The following SCAPER variants were observed in gnomAD, a reference collection of about 807,000 sequenced individuals.
SCAPER encodes S-phase cyclin A associated protein in the ER, also known as S phase cyclin A-associated protein in the endoplasmic reticulum.
Under a neutral mutation model 182.2 loss-of-function variants are expected in SCAPER, and 98 were observed. The ratio of observed to expected loss-of-function variants is 0.54; its 90% CI spans 0.46 to 0.64. The LOEUF (loss-of-function observed/expected upper bound fraction) is 0.64. SCAPER is among the 30% of genes least tolerant of loss of function. The pLI is 0.00. For missense variants in SCAPER, 1,432 were observed against 1,690.0 expected, an observed-to-expected ratio of 0.85 and a Z score of 2.68; for synonymous variants, 605 against 564.6, an observed-to-expected ratio of 1.07 and a Z score of -1.01.
At chr15:76,789,322 C>G (rs2064843551) in intron 8 of SCAPER, among the ~76,000 whole-genome samples, 1 of 152,080 alleles carries the variant, frequency 6.6e-6, no homozygotes, top group Non-Finnish European at 1.5e-5. Flanking sequence ...AAGCATTTAA[C>G]AAAAGATCTC....
intron 21 of SCAPER, among the ~76,000 whole-genome samples, chr15:76,665,243 A>G (rs1230688964): frequency 6.6e-6 from 1 of 152,196 alleles, no homozygotes; most frequent in Non-Finnish European, 1.5e-5. Context: ...AGGCAACCAA[A>G]TTGATTAAGC....
intron 22 of SCAPER, among the ~76,000 whole-genome samples, chr15:76,582,313 GCAAA>G (rs1192376206): frequency 1.3e-5 from 2 of 152,020 alleles, no homozygotes; most frequent in Non-Finnish European, 2.9e-5. Flanking sequence ...CATCCTGACA[GCAAA>G]CAATCTGAAA....
intron 23 of SCAPER, among the ~76,000 whole-genome samples, chr15:76,524,247 G>C (rs2043021435): frequency 6.6e-6 from 1 of 152,136 alleles, no homozygotes. Flanking sequence ...GCTCTGTATA[G>C]ATGGCACTAG....
intron 28 of SCAPER, among the ~76,000 whole-genome samples, chr15:76,378,466 T>A (rs2042719362): frequency 6.6e-6 from 1 of 152,254 alleles, no homozygotes. Flanking sequence ...TCTCTGACCA[T>A]AACTATCACA....
At chr15:76,378,970 G>C (rs1173367912) in intron 28 of SCAPER, among the ~76,000 whole-genome samples, 1 of 152,170 alleles carries the variant, frequency 6.6e-6, no homozygotes, top group Non-Finnish European at 1.5e-5. Context: ...TGACATCATG[G>C]AGCAGAGACA....
At chr15:76,528,833 CTCA>C (rs1483426068) in intron 23 of SCAPER, among the ~76,000 whole-genome samples, 7 of 152,156 alleles carry the variant, frequency 4.6e-5, no homozygotes, top group African/African-American at 1.4e-4. Flanking sequence ...TCTCTCTAGT[CTCA>C]TCATTTACCA....
intron 7 of SCAPER, among the ~76,000 whole-genome samples, chr15:76,795,701 T>C (rs1268735385): frequency 6.6e-6 from 1 of 152,160 alleles, no homozygotes; most frequent in African/African-American, 2.4e-5. Flanking sequence ...TTCACTTAAA[T>C]GAGGAAGCTT....
At chr15:76,553,987 C>T (rs2045985520) in intron 23 of SCAPER, among the ~76,000 whole-genome samples, 1 of 151,998 alleles carries the variant, frequency 6.6e-6, no homozygotes, top group South Asian at 2.1e-4. Flanking sequence ...GCTCAAACGG[C>T]TGAAATGACA....
chr15:76,417,878 C>T (rs947573226), intron 26 of SCAPER, among the ~76,000 whole-genome samples: 1 of 151,988 alleles, frequency 6.6e-6, no homozygotes, highest in African/African-American at 2.4e-5. Flanking sequence ...ATTAGCTGGG[C>T]GTGGTGGTGC....
chr15:76,795,369 G>T lies in SCAPER; in HGVS notation c.683C>A (p.Ala228Asp). Residue 228 changes from alanine to aspartate, a missense_variant, in exon 8 of 32, where the codon GCT becomes GAT. Around this residue, in one of 5 missense-constraint regions of SCAPER, gnomAD observed 480 missense variants for 510.2 expected, o/e 0.94. Coordinates refer to ENST00000563290, the MANE Select transcript of SCAPER (RefSeq NM_020843.4). Reference protein sequence around the residue: ...TGVSWADKVKAHHTGSTASSE... With the variant: ...TGVSWADKVKDHHTGSTASSE... Reference sequence around the variant, plus strand: ...AGAAGCAGTAGAGCCTGTATGATGAGCCTTTACCTTGTCAGCCCAACTGAC... The same window carrying T: ...AGAAGCAGTAGAGCCTGTATGATGATCCTTTACCTTGTCAGCCCAACTGAC... 3 of 1,612,578 alleles carry T rather than the reference G, an allele frequency of 1.9e-6. No individual in the cohort carries two copies. The highest frequency in any genetic ancestry group is 1.7e-6 in the Non-Finnish European group (2 of 1,178,966).
chr15:76,545,214 TTG>T (rs2045160227), intron 23 of SCAPER, among the ~76,000 whole-genome samples: 1 of 152,160 alleles, frequency 6.6e-6, no homozygotes, highest in African/African-American at 2.4e-5. Flanking sequence ...CTAATGGTTA[TTG>T]TGGGCAATGG....
intron 23 of SCAPER, among the ~76,000 whole-genome samples, chr15:76,545,778 T>C (rs1444443680): frequency 6.6e-6 from 1 of 152,038 alleles, no homozygotes; most frequent in East Asian, 1.9e-4. Context: ...TGAAGTTAGA[T>C]GGAATATGTG....
At chr15:76,507,406 C>T (rs2143902781) in intron 23 of SCAPER, among the ~76,000 whole-genome samples, 1 of 152,242 alleles carries the variant, frequency 6.6e-6, no homozygotes, top group South Asian at 2.1e-4. Flanking sequence ...CAGTCTGTGG[C>T]ACTTTCTTAT....
At chr15:76,810,951 A>G (rs1453993222) in intron 5 of SCAPER, among the ~76,000 whole-genome samples, 1 of 152,116 alleles carries the variant, frequency 6.6e-6, no homozygotes, top group African/African-American at 2.4e-5. Flanking sequence ...TTACGTAACA[A>G]TAAAAGGATC....
intron 16 of SCAPER, among the ~76,000 whole-genome samples, chr15:76,732,159 T>TTAC (rs2060957681): frequency 6.6e-6 from 1 of 152,138 alleles, no homozygotes; most frequent in South Asian, 2.1e-4. Flanking sequence ...AAACACTAGG[T>TTAC]TACTCCATTT....
At chr15:76,424,827 G>T (rs373196860) in intron 26 of SCAPER, among the ~76,000 whole-genome samples, 5 of 152,228 alleles carry the variant, frequency 3.3e-5, no homozygotes, top group Middle Eastern at 6.8e-3. Context: ...TGACAAAATC[G>T]CTCAGCATTT....
intron 22 of SCAPER, among the ~76,000 whole-genome samples, chr15:76,587,868 G>A (rs1468045531): frequency 6.6e-6 from 1 of 151,796 alleles, no homozygotes; most frequent in Non-Finnish European, 1.5e-5. Flanking sequence ...GCTGTCAGTG[G>A]AGTACTGAAG....
intron 23 of SCAPER, among the ~76,000 whole-genome samples, chr15:76,526,697 A>G (rs1033220449): frequency 2.0e-5 from 3 of 151,742 alleles, no homozygotes; most frequent in African/African-American, 7.3e-5. Flanking sequence ...TTCCCTGTCA[A>G]GTTTATTTTT....
chr15:76,900,549 G>C (rs1311391803), intron 1 of SCAPER, among the ~76,000 whole-genome samples: 2 of 152,142 alleles, frequency 1.3e-5, no homozygotes, highest in African/African-American at 4.8e-5. Context: ...AGGTCTGGTT[G>C]AGCACAAAGT....
Sources: allele counts gnomAD v4.1 joint callset (sites outside exome capture counted in the v4.1 genomes callset), GRCh38; gene constraint gnomAD v4.1.1; regional missense constraint gnomAD v4.1.1; transcripts MANE v1.5; gene names NCBI Gene and HGNC (gene_info 2026-07-23, HGNC 2026-07-21).